Variants in MAN1C1 observed in about 807,000 individuals in gnomAD.
MAN1C1 encodes mannosyl-oligosaccharide 1,2-alpha-mannosidase IC.
In MAN1C1, 49 loss-of-function variants were observed where a neutral mutation model predicts 71.5. That is an observed-to-expected ratio of 0.69 (90% CI 0.54 to 0.87). The LOEUF (loss-of-function observed/expected upper bound fraction) is 0.87. Among genes scored for constraint, MAN1C1 ranks in the 40% least tolerant of loss-of-function variants. The pLI is 0.00. For missense variants in MAN1C1, 743 were observed against 835.0 expected, an observed-to-expected ratio of 0.89 and a Z score of 1.36; for synonymous variants, 352 against 343.7, an observed-to-expected ratio of 1.02 and a Z score of -0.27.
At chr1:25,770,349 G>T (rs954334538) in intron 7 of MAN1C1, among the ~76,000 whole-genome samples, 1 of 152,234 alleles carries the variant, frequency 6.6e-6, no homozygotes, top group South Asian at 2.1e-4. Flanking sequence ...GGAGGGGGCC[G>T]GAAGGGCGAG....
rs751628161 is a variant in MAN1C1 at position 25,631,509 on chromosome 1, G to A, written c.540+13172G>A. Reference sequence around the variant, plus strand: ...CTGCAACTATTGAGATGATCGTATGGTTTTTGTTTTTAATTCTGTTTATGT... The same window carrying A: ...CTGCAACTATTGAGATGATCGTATGATTTTTGTTTTTAATTCTGTTTATGT... On this transcript the variant is annotated intron_variant, in intron 1 of 11. Coordinates refer to ENST00000374332, the MANE Select transcript of MAN1C1 (RefSeq NM_020379.4). This position sits in a 1 kb window ranked among gnomAD's most constrained non-coding sequence, Gnocchi z 4.2. Among the ~76,000 whole-genome samples the A allele has an allele frequency of 1.2e-4, 18 of 151,996 alleles. No homozygotes were observed. Among genetic ancestry groups the A allele is most frequent in the African/African-American group, 3.6e-4 (15 of 41,358 alleles).
At chr1:25,637,829 G>A (rs1282656702) in intron 1 of MAN1C1, among the ~76,000 whole-genome samples, 1 of 151,888 alleles carries the variant, frequency 6.6e-6, no homozygotes, top group Non-Finnish European at 1.5e-5. Context: ...TTTGTTTGCA[G>A]TATATTTTAC....
At chr1:25,679,950 A>AAAATATATATAT (rs1285307256) in intron 1 of MAN1C1, among the ~76,000 whole-genome samples, 5 of 117,260 alleles carry the variant, frequency 4.3e-5, no homozygotes, top group African/African-American at 1.9e-4. Context: ...AAAAAAAAAA[A>AAAATATATATAT]ATATATATAT....
At chr1:25,772,837 C>T (rs139456455) in intron 8 of MAN1C1, among the ~76,000 whole-genome samples, 2,219 of 152,304 alleles carry the variant, frequency 0.015, 178 homozygotes, top group Admixed American at 0.13. Context: ...CTCTCTGGGC[C>T]CTGGGCACCA....
intron 7 of MAN1C1, among the ~76,000 whole-genome samples, chr1:25,771,141 C>T (rs1374700491): frequency 2.0e-5 from 3 of 152,236 alleles, no homozygotes; most frequent in Non-Finnish European, 4.4e-5. Flanking sequence ...CTCCTTTGAA[C>T]TCCATTTATC....
intron 1 of MAN1C1, among the ~76,000 whole-genome samples, chr1:25,640,746 G>T (rs1333074650): frequency 6.6e-6 from 1 of 152,148 alleles, no homozygotes; most frequent in Middle Eastern, 3.2e-3. Context: ...GAGGGGTAGA[G>T]ACCCCACACT....
chr1:25,746,617 G>A lies in MAN1C1; in HGVS notation c.638-51G>A. Reference sequence around the variant, plus strand: ...GAGAACGGTGGCTTGTCCAGTTGGGGAAAAGAGAAAGATGGCCCTGGGTCA... The same window carrying A: ...GAGAACGGTGGCTTGTCCAGTTGGGAAAAAGAGAAAGATGGCCCTGGGTCA... On this transcript the variant is annotated intron_variant, in intron 2 of 11. Coordinates refer to ENST00000374332, the MANE Select transcript of MAN1C1 (RefSeq NM_020379.4). The surrounding 1 kb of genome is among the most constrained non-coding windows in gnomAD (Gnocchi z 4.0). The A allele has an allele frequency of 7.0e-7, 1 of 1,419,228 alleles. No homozygotes were observed. The highest frequency in any genetic ancestry group is 9.9e-7 in the Non-Finnish European group (1 of 1,012,852). The allele number at this position is 1,419,228 out of a possible 1,614,324, so 87.9% of individuals were successfully genotyped here. A position where few individuals can be genotyped will look rare whatever the true frequency, so the allele number is the denominator to read the frequency against.
chr1:25,771,579 A>G, intron 7 of MAN1C1, 78 bp from the exon 8 acceptor site: 1 of 1,083,270 alleles, frequency 9.2e-7, no homozygotes, highest in Non-Finnish European at 1.4e-6. Context: ...CCCTGAGGTC[A>G]GGCGGGTGTG....
chr1:25,669,404 T>C (rs1262702808), intron 1 of MAN1C1, among the ~76,000 whole-genome samples: 1 of 152,038 alleles, frequency 6.6e-6, no homozygotes, highest in Non-Finnish European at 1.5e-5. Context: ...GGAGTAGCAA[T>C]GGAAGATTAA....
At chr1:25,748,682 T>C (rs1365608398) in intron 3 of MAN1C1, among the ~76,000 whole-genome samples, 1 of 152,028 alleles carries the variant, frequency 6.6e-6, no homozygotes, top group Non-Finnish European at 1.5e-5. Context: ...AGAAAGAAAA[T>C]AGAAATGATT....
intron 6 of MAN1C1, chr1:25,759,638 C>T (rs1369153116): frequency 6.6e-6 from 1 of 152,196 alleles, no homozygotes; most frequent in Admixed American, 6.5e-5. Context: ...ATGTCGCCAT[C>T]CAGCCTCAAA....
intron 1 of MAN1C1, among the ~76,000 whole-genome samples, chr1:25,621,072 T>C (rs1240349629): frequency 1.3e-5 from 2 of 152,202 alleles, no homozygotes; most frequent in Non-Finnish European, 2.9e-5. Context: ...TCCTGGACCT[T>C]CCTGTAAAAT....
chr1:25,768,769 C>T (rs149852119), intron 7 of MAN1C1, among the ~76,000 whole-genome samples: 8,060 of 144,408 alleles, frequency 0.056, 380 homozygotes, highest in East Asian at 0.19. Context: ...CATACATCCA[C>T]ACTCCCCTCA....
Position 25,753,695 on chromosome 1 carries a change from G to A in MAN1C1, c.929+117G>A. 1 of 830,266 alleles carries A rather than the reference G, an allele frequency of 1.2e-6. No individual in the cohort carries two copies. The highest frequency in any genetic ancestry group is 1.9e-6 in the Non-Finnish European group (1 of 527,408). 51.4% of individuals were successfully genotyped at this position (830,266 alleles called of 1,614,324 possible). ...GGGGCAGTAGGCAGGCAAGCAGGAGGGGGGACCCTTGGGACCACCTCTGTT... is the reference window on the plus strand; with the variant it reads ...GGGGCAGTAGGCAGGCAAGCAGGAGAGGGGACCCTTGGGACCACCTCTGTT... On this transcript the variant is annotated intron_variant, in intron 5 of 11. Transcript: ENST00000374332. This position sits in a 1 kb window ranked among gnomAD's most constrained non-coding sequence, Gnocchi z 4.9.
intron 1 of MAN1C1, among the ~76,000 whole-genome samples, chr1:25,650,507 T>C (rs2045677210): frequency 1.3e-5 from 2 of 152,200 alleles, no homozygotes; most frequent in African/African-American, 4.8e-5. Context: ...TTATTTGGGG[T>C]CCTGTTTGGG....
At chr1:25,699,809 A>C (rs544512115) in intron 2 of MAN1C1, among the ~76,000 whole-genome samples, 51 of 152,288 alleles carry the variant, frequency 3.3e-4, no homozygotes, top group African/African-American at 1.1e-3. Flanking sequence ...TGCCGGCCCC[A>C]CAGCCAGTGG....
chr1:25,631,970 C>T lies in MAN1C1; in HGVS notation c.540+13633C>T, dbSNP rs1202966518. On this transcript the variant is annotated intron_variant, in intron 1 of 11. Coordinates refer to ENST00000374332, the MANE Select transcript of MAN1C1 (RefSeq NM_020379.4). The surrounding 1 kb of genome is among the most constrained non-coding windows in gnomAD (Gnocchi z 4.2). ...TATTTTTTGTAGGATGGGGTTTCAC[C>T]ATGTTGGCTAGGCTGGTCTTGAATC... is the stretch of plus-strand genomic sequence containing the variant. Among the ~76,000 whole-genome samples the T allele has an allele frequency of 3.9e-5, 6 of 152,116 alleles. No homozygotes were observed. The highest frequency in any genetic ancestry group is 1.3e-4 in the Admixed American group (2 of 15,254).
At chr1:25,695,086 G>T (rs1322893631) in intron 2 of MAN1C1, among the ~76,000 whole-genome samples, 1 of 151,996 alleles carries the variant, frequency 6.6e-6, no homozygotes, top group African/African-American at 2.4e-5. Flanking sequence ...GTTTTTGGAG[G>T]TTTTTTTCTG....
chr1:25,750,105 G>A (rs1360470629), intron 4 of MAN1C1, among the ~76,000 whole-genome samples: 1 of 152,142 alleles, frequency 6.6e-6, no homozygotes, highest in Non-Finnish European at 1.5e-5. Context: ...CCCACCCTGG[G>A]CCTCGCTTCC....
Sources: allele counts gnomAD v4.1 joint callset (sites outside exome capture counted in the v4.1 genomes callset), GRCh38; gene constraint gnomAD v4.1.1; non-coding constraint Gnocchi (gnomAD v3.1); transcripts MANE v1.5; gene names NCBI Gene and HGNC (gene_info 2026-07-23, HGNC 2026-07-21).